Variants in PCBP3 observed in about 807,000 individuals in gnomAD.
PCBP3 encodes the protein poly(rC)-binding protein 3.
Under a neutral mutation model 52.7 loss-of-function variants are expected in PCBP3, and 25 were observed. The ratio of observed to expected loss-of-function variants is 0.47; its 90% CI spans 0.35 to 0.66. The LOEUF is 0.66. PCBP3 is among the 30% of genes least tolerant of loss of function. PCBP3 has a pLI of 0.01. For missense variants in PCBP3, 391 were observed against 490.3 expected, an observed-to-expected ratio of 0.80 and a Z score of 1.91; for synonymous variants, 162 against 183.0, an observed-to-expected ratio of 0.89 and a Z score of 0.93.
chr21:45,797,991 G>T (rs530595744), intron 4 of PCBP3, among the ~76,000 whole-genome samples: 2 of 133,608 alleles, frequency 1.5e-5, no homozygotes, highest in African/African-American at 5.8e-5. Flanking sequence ...ATGGATGAAC[G>T]CATGGATCTG....
At chr21:45,801,537 G>C (rs1394331050) in intron 4 of PCBP3, among the ~76,000 whole-genome samples, 1 of 152,212 alleles carries the variant, frequency 6.6e-6, no homozygotes, top group Non-Finnish European at 1.5e-5. Flanking sequence ...ACCATGCCAT[G>C]CCCACAGCGT....
intron 16 of PCBP3, among the ~76,000 whole-genome samples, chr21:45,937,019 C>G (rs939380319): frequency 6.6e-6 from 1 of 152,150 alleles, no homozygotes. Context: ...CACCAGCACC[C>G]CCAGATTTTG....
intron 2 of PCBP3, among the ~76,000 whole-genome samples, chr21:45,733,325 C>T (rs1237125479): frequency 2.0e-5 from 3 of 152,156 alleles, no homozygotes; most frequent in Non-Finnish European, 4.4e-5. Context: ...TTCGCTCTGT[C>T]GCCCAGGCTG....
intron 4 of PCBP3, among the ~76,000 whole-genome samples, chr21:45,804,941 C>A (rs912443959): frequency 6.6e-6 from 1 of 151,918 alleles, no homozygotes; most frequent in African/African-American, 2.4e-5. Flanking sequence ...CTAACCCTGC[C>A]GTGGCAGGCC....
chr21:45,691,456 A>ATGTG lies in PCBP3; in HGVS notation c.-200+22522_-200+22525dup, dbSNP rs60311432. ...ATATATCATATATATGTATGTATGT[A>ATGTG]TGTGTGTGTGTGTGTGTGTGTATAT... On this transcript the variant is annotated intron_variant, in intron 2 of 17. Coordinates refer to ENST00000681687, the MANE Select transcript of PCBP3 (RefSeq NM_001384156.1). Among the ~76,000 whole-genome samples, 27 of 142,366 alleles carry ATGTG rather than the reference A, an allele frequency of 1.9e-4. 1 individual carries two copies. Among genetic ancestry groups the ATGTG allele is most frequent in the Middle Eastern group, 3.6e-3 (1 of 278 alleles). 93.4% of individuals were successfully genotyped at this position (142,366 alleles called of 152,430 possible). A position where few individuals can be genotyped will look rare whatever the true frequency, so the allele number is the denominator to read the frequency against.
At chr21:45,914,218 C>G (rs1424164124) in intron 12 of PCBP3, 193 bp downstream of exon 12, 6 of 840,246 alleles carry the variant, frequency 7.1e-6, no homozygotes, top group African/African-American at 3.5e-5. Context: ...GGCATTCCCC[C>G]ACAGAGACGG....
chr21:45,835,420 A>G (rs1360310645), intron 4 of PCBP3, among the ~76,000 whole-genome samples: 1 of 151,990 alleles, frequency 6.6e-6, no homozygotes, highest in East Asian at 1.9e-4. Flanking sequence ...AGCACCTTTA[A>G]CACTGGCCCC....
intron 4 of PCBP3, among the ~76,000 whole-genome samples, chr21:45,774,856 A>G (rs762233079): frequency 1.3e-5 from 2 of 152,228 alleles, no homozygotes; most frequent in African/African-American, 2.4e-5. Flanking sequence ...TATTCCTGGT[A>G]TAAATCTCAC....
In PCBP3 at chr21:45,901,332, C is replaced by T. The variant is rs74944362; in HGVS notation, c.339+219C>T. ...CTCTCCATCCTTCTGAAGCCAGCTA[C>T]TCCCGGCTGTATGCCTTAGGTCCAC... On this transcript the variant is annotated intron_variant, in intron 9 of 17. Transcript: ENST00000681687. The T allele has an allele frequency of 6.1e-3, 3,178 of 517,262 alleles. 91 individuals are homozygous for T. The highest frequency in any genetic ancestry group is 0.055 in the African/African-American group (2,839 of 52,016). The allele number at this position is 517,262 out of a possible 1,614,324, so 32.0% of individuals were successfully genotyped here.
chr21:45,795,968 A>G (rs1472707477), intron 4 of PCBP3, among the ~76,000 whole-genome samples: 2 of 152,230 alleles, frequency 1.3e-5, no homozygotes, highest in African/African-American at 4.8e-5. Context: ...CTAAGTGAAC[A>G]GTTTTCTACA....
At chr21:45,751,806 G>A (rs1345045486) in intron 3 of PCBP3, among the ~76,000 whole-genome samples, 1 of 152,168 alleles carries the variant, frequency 6.6e-6, no homozygotes, top group Non-Finnish European at 1.5e-5. Context: ...CTGTTCTTCA[G>A]CTCATGACTT....
At chr21:45,763,411 G>A (rs1026646330) in intron 4 of PCBP3, 1 of 152,634 alleles carries the variant, frequency 6.6e-6, no homozygotes, top group African/African-American at 2.4e-5. Flanking sequence ...AGGGTGCAGT[G>A]GAGAAGGCGC....
Position 45,880,520 on chromosome 21 carries a change from C to T in PCBP3, c.11-15688C>T, listed in dbSNP as rs754324628. Reference sequence around the variant, plus strand: ...AATCGCTGAATTTCAGAACGTTCCACGAGGCCGTGGAAATTGAGCTGGGCT... The same window carrying T: ...AATCGCTGAATTTCAGAACGTTCCATGAGGCCGTGGAAATTGAGCTGGGCT... On this transcript the variant is annotated intron_variant, in intron 5 of 17. Transcript: ENST00000681687. The surrounding 1 kb of genome is among the most constrained non-coding windows in gnomAD (Gnocchi z 5.4). 2.0e-5 allele frequency among the ~76,000 whole-genome samples: 3 copies of T among 152,228 alleles called. No individual in the cohort carries two copies. Among genetic ancestry groups the T allele is most frequent in the East Asian group, 1.9e-4 (1 of 5,192 alleles).
intron 2 of PCBP3, chr21:45,728,528 G>A (rs1569157598): frequency 6.6e-6 from 1 of 152,102 alleles, no homozygotes; most frequent in Non-Finnish European, 1.5e-5. Flanking sequence ...GAATATTGAT[G>A]TCTTTTCTTA....
intron 4 of PCBP3, chr21:45,848,311 A>T (rs2093862004): frequency 6.6e-6 from 1 of 152,212 alleles, no homozygotes; most frequent in African/African-American, 2.4e-5. Context: ...AGAGTCATTT[A>T]CTCAGAATGC....
At chr21:45,661,048 AT>A (rs554173399) in intron 1 of PCBP3, among the ~76,000 whole-genome samples, 31 of 151,100 alleles carry the variant, frequency 2.1e-4, no homozygotes, top group African/African-American at 6.6e-4. Context: ...CTCAAAAAAA[AT>A]ATATATATAT....
chr21:45,684,904 A>G (rs956377306), intron 2 of PCBP3, among the ~76,000 whole-genome samples: 1 of 152,204 alleles, frequency 6.6e-6, no homozygotes, highest in Non-Finnish European at 1.5e-5. Context: ...AGTGATTTAC[A>G]TGAGGTTTGA....
chr21:45,843,873 A>G (rs986259408), intron 4 of PCBP3, among the ~76,000 whole-genome samples: 1 of 152,188 alleles, frequency 6.6e-6, no homozygotes, highest in Admixed American at 6.5e-5. Context: ...ACACAGACAC[A>G]CATACGCACT....
At chr21:45,684,055 C>CAAAAAAAAAAA (rs71334088) in intron 2 of PCBP3, among the ~76,000 whole-genome samples, 2 of 78,476 alleles carry the variant, frequency 2.5e-5, no homozygotes, top group Non-Finnish European at 2.6e-5. Flanking sequence ...CCCATCTCTA[C>CAAAAAAAAAAA]AAAAAAAAAA....
Sources: gnomAD v4.1 joint callset for allele counts (sites outside exome capture counted in the v4.1 genomes callset) on GRCh38, gnomAD v4.1.1 for gene constraint, Gnocchi (gnomAD v3.1) non-coding constraint, MANE v1.5 for transcripts, NCBI Gene and HGNC (gene_info 2026-07-23, HGNC 2026-07-21) for gene names.